The following VEPH1 variants were observed in gnomAD, a reference collection of about 807,000 sequenced individuals.
The protein encoded by VEPH1 is ventricular zone expressed PH domain containing 1, also known as ventricular zone-expressed PH domain-containing protein homolog 1.
Under a neutral mutation model 85.2 loss-of-function variants are expected in VEPH1, and 80 were observed. The ratio of observed to expected loss-of-function variants is 0.94; its 90% CI spans 0.78 to 1.13. The LOEUF (loss-of-function observed/expected upper bound fraction) is 1.13, where lower values mean the gene tolerates loss of function less well. Among genes scored for constraint, VEPH1 ranks in the 50% most tolerant of loss-of-function variants. VEPH1 has a pLI of 0.00. For missense variants in VEPH1, 955 were observed against 980.5 expected, an observed-to-expected ratio of 0.97 and a Z score of 0.35; for synonymous variants, 297 against 348.0, an observed-to-expected ratio of 0.85 and a Z score of 1.63.
At chr3:157,398,738 G>T (rs1577565351) in intron 6 of VEPH1, among the ~76,000 whole-genome samples, 1 of 152,028 alleles carries the variant, frequency 6.6e-6, no homozygotes, top group East Asian at 1.9e-4. Context: ...CCTCCCAAAG[G>T]CTCCCGACAG....
intron 5 of VEPH1, among the ~76,000 whole-genome samples, chr3:157,425,874 C>T (rs1732717593): frequency 6.6e-6 from 1 of 152,170 alleles, no homozygotes; most frequent in Non-Finnish European, 1.5e-5. Context: ...TTGAATTGTA[C>T]TCCCACAATG....
intron 9 of VEPH1, chr3:157,363,158 C>G (rs893393876): frequency 1.1e-5 from 5 of 435,678 alleles, no homozygotes; most frequent in Non-Finnish European, 1.5e-5. Flanking sequence ...TATGTGCACC[C>G]AAGTAGATTC....
At chr3:157,365,924 G>T (rs191459479) in intron 7 of VEPH1, among the ~76,000 whole-genome samples, 1 of 152,142 alleles carries the variant, frequency 6.6e-6, no homozygotes, top group Non-Finnish European at 1.5e-5. Flanking sequence ...TACCATTGGC[G>T]GTTAACTCGA....
chr3:157,465,442 A>G (rs188777074), intron 3 of VEPH1, among the ~76,000 whole-genome samples: 32 of 152,316 alleles, frequency 2.1e-4, no homozygotes, highest in African/African-American at 6.7e-4. Context: ...AAGTCTATTA[A>G]TTTAATTTTC....
chr3:157,382,373 T>A (rs1728875564), intron 6 of VEPH1, among the ~76,000 whole-genome samples: 2 of 152,336 alleles, frequency 1.3e-5, no homozygotes, highest in South Asian at 4.1e-4. Flanking sequence ...ATTAGCCATA[T>A]TTTGAGGCAA....
chr3:157,266,561 T>A (rs933968083), intron 12 of VEPH1, among the ~76,000 whole-genome samples: 23 of 152,214 alleles, frequency 1.5e-4, no homozygotes, highest in Admixed American at 6.5e-5. Context: ...CTTTGCTTTG[T>A]TCTCTGTTGA....
intron 2 of VEPH1, among the ~76,000 whole-genome samples, chr3:157,492,832 G>C (rs1354479488): frequency 1.3e-5 from 2 of 152,102 alleles, no homozygotes; most frequent in Non-Finnish European, 2.9e-5. Flanking sequence ...AAGAAGATTA[G>C]AGGTGGCCCA....
intron 12 of VEPH1, among the ~76,000 whole-genome samples, chr3:157,272,122 AT>A (rs1385264941): frequency 6.6e-6 from 1 of 152,078 alleles, no homozygotes; most frequent in Non-Finnish European, 1.5e-5. Flanking sequence ...ATGCCTAATA[AT>A]TTTCCATGGA....
At chr3:157,292,431 C>T (rs980453701) in intron 11 of VEPH1, among the ~76,000 whole-genome samples, 10 of 152,104 alleles carry the variant, frequency 6.6e-5, no homozygotes, top group Non-Finnish European at 1.0e-4. Flanking sequence ...GTGGCTCAAA[C>T]CTGTAATCCC....
At chr3:157,460,816 G>C (rs1418639260) in intron 3 of VEPH1, among the ~76,000 whole-genome samples, 1 of 152,110 alleles carries the variant, frequency 6.6e-6, no homozygotes, top group East Asian at 1.9e-4. Flanking sequence ...AATAGCTCAG[G>C]ATGGCTGAAG....
chr3:157,363,323 C>T (rs542044901), intron 9 of VEPH1, 41 bp downstream of exon 9: 7 of 1,512,746 alleles, frequency 4.6e-6, no homozygotes, highest in East Asian at 2.3e-5. Context: ...TTTGCAGTGA[C>T]TCCTGAAGTT....
chr3:157,377,636 T>A (rs1385009913), intron 7 of VEPH1, among the ~76,000 whole-genome samples: 2 of 152,094 alleles, frequency 1.3e-5, no homozygotes, highest in African/African-American at 4.8e-5. Context: ...TGAGAGCTGA[T>A]GGTTTTATAA....
In VEPH1 at chr3:157,495,468, T is replaced by A. The variant is rs545742462; in HGVS notation, c.-119A>T. On this transcript the variant is annotated 5_prime_UTR_variant, in exon 2 of 14. The change abolishes the stop of an existing upstream ORF in the 5' untranslated region. Coordinates refer to ENST00000362010, the MANE Select transcript of VEPH1 (RefSeq NM_001167912.2). Reference sequence around the variant, plus strand: ...GGTATACTTCTTATTCCATGAAAGGTCATTTTTCTCCAGACTTTGAGGTCT... The same window carrying A: ...GGTATACTTCTTATTCCATGAAAGGACATTTTTCTCCAGACTTTGAGGTCT... 11 of 1,505,546 alleles carry A rather than the reference T, an allele frequency of 7.3e-6. No homozygotes were observed. In the African/African-American group the frequency reaches 1.5e-4, roughly 21 times the overall value. 93.3% of individuals were successfully genotyped at this position (1,505,546 alleles called of 1,614,324 possible).
chr3:157,332,004 C>G (rs182623167), intron 9 of VEPH1, among the ~76,000 whole-genome samples: 11 of 152,286 alleles, frequency 7.2e-5, no homozygotes, highest in African/African-American at 2.6e-4. Flanking sequence ...TTTCCACTTT[C>G]ACAATTTGGG....
At chr3:157,437,804 G>C (rs373009649) in intron 4 of VEPH1, 23 of 1,460,870 alleles carry the variant, frequency 1.6e-5, no homozygotes, top group Non-Finnish European at 2.1e-5. Context: ...GAGGCGCAGC[G>C]CCCAGAGGAG....
intron 6 of VEPH1, among the ~76,000 whole-genome samples, chr3:157,391,310 G>C (rs888648859): frequency 6.6e-6 from 1 of 152,238 alleles, no homozygotes; most frequent in Non-Finnish European, 1.5e-5. Flanking sequence ...GAGAGGCAGA[G>C]AGCCTCCTTT....
At chr3:157,349,959 A>G (rs1282843711) in intron 9 of VEPH1, among the ~76,000 whole-genome samples, 3 of 152,332 alleles carry the variant, frequency 2.0e-5, no homozygotes, top group African/African-American at 7.2e-5. Flanking sequence ...GGCAGTCTAC[A>G]GATTCAACGG....
chr3:157,386,250 CAAAAAAAAA>C (rs71302265), intron 6 of VEPH1, among the ~76,000 whole-genome samples: 985 of 38,546 alleles, frequency 0.026, 12 homozygotes, highest in Middle Eastern at 0.086. Flanking sequence ...AATGGTTCCA[CAAAAAAAAA>C]AAAAAAAAAA....
chr3:157,382,666 C>T lies in VEPH1; in HGVS notation c.907-1290G>A, dbSNP rs145950262. The stretch of plus-strand genomic sequence containing the variant: ...TCACAATCCTTCTGACTAACTGGTG[C>T]ACAGATCTAGATTACTCTTCTCGTT... On this transcript the variant is annotated intron_variant, in intron 6 of 13. Coordinates refer to ENST00000362010, the MANE Select transcript of VEPH1 (RefSeq NM_001167912.2). Among the ~76,000 whole-genome samples the T allele has an allele frequency of 1.8e-3, 267 of 152,206 alleles. 1 individual carries two copies. The highest frequency in any genetic ancestry group is 6.1e-3 in the African/African-American group (252 of 41,520).
Sources: gnomAD v4.1 joint callset for allele counts (sites outside exome capture counted in the v4.1 genomes callset) on GRCh38, gnomAD v4.1.1 for gene constraint, MANE v1.5 for transcripts, NCBI Gene and HGNC (gene_info 2026-07-23, HGNC 2026-07-21) for gene names.